LINGO2: variants seen among roughly 807,000 people sequenced by gnomAD.
LINGO2 encodes leucine rich repeat and Ig domain containing 2.
LINGO2 carries 14 observed loss-of-function variants against 30.6 expected under a neutral mutation model. The observed-to-expected ratio is 0.46, with a 90% CI of 0.30 to 0.72. LINGO2 has a LOEUF of 0.72. Among genes scored for constraint, LINGO2 ranks in the 30% least tolerant of loss-of-function variants. The pLI is 0.07. For missense variants in LINGO2, 729 were observed against 751.7 expected (o/e 0.97, Z 0.35); for synonymous variants, 317 against 288.5 (o/e 1.10, Z -1.00).
At chr9:28,486,874 T>C (rs1216490818) in intron 1 of LINGO2, among the ~76,000 whole-genome samples, 1 of 152,074 alleles carries the variant, frequency 6.6e-6, no homozygotes, top group East Asian at 1.9e-4. Flanking sequence ...CAGACTCTCT[T>C]TTGTAGGATG....
Position 28,481,110 on chromosome 9 carries a change from C to T in LINGO2, c.-364-5085G>A, listed in dbSNP as rs79582170. On this transcript the variant is annotated intron_variant, in intron 1 of 5. Coordinates refer to ENST00000379992, the Ensembl canonical transcript of LINGO2. Reference sequence around the variant, plus strand: ...GGGCATGGAGCCCCATTTCTAACTCCAAAGCCTGGGCTCAAAGTCTTCAAA... The same window carrying T: ...GGGCATGGAGCCCCATTTCTAACTCTAAAGCCTGGGCTCAAAGTCTTCAAA... 5.2e-3 allele frequency among the ~76,000 whole-genome samples: 793 copies of T among 152,150 alleles called. 39 individuals are homozygous for T. The East Asian group carries it at 0.095, about 18-fold the overall frequency.
At chr9:28,366,976 C>A (rs1293879374) in intron 3 of LINGO2, among the ~76,000 whole-genome samples, 1 of 151,560 alleles carries the variant, frequency 6.6e-6, no homozygotes, top group Admixed American at 6.6e-5. Context: ...ATTTTTTCTT[C>A]CTCCTCCTCC....
intron 2 of LINGO2, among the ~76,000 whole-genome samples, chr9:28,455,766 C>T (rs1824821561): frequency 6.6e-6 from 1 of 152,086 alleles, no homozygotes; most frequent in Admixed American, 6.6e-5. Flanking sequence ...CATTAGACAG[C>T]CTTCATCTAA....
the LINGO2 span, among the ~76,000 whole-genome samples, chr9:29,128,608 G>A: frequency 6.6e-6 from 1 of 152,028 alleles, no homozygotes; most frequent in African/African-American, 2.4e-5. Flanking sequence ...TGGCCTGAAT[G>A]TTCTTTGGAG....
At chr9:28,005,480 C>T (rs538841073) in intron 5 of LINGO2, among the ~76,000 whole-genome samples, 81 of 152,208 alleles carry the variant, frequency 5.3e-4, no homozygotes, top group African/African-American at 1.9e-3. Flanking sequence ...CTCTACTTTT[C>T]TTCCCCACAG....
At chr9:28,528,675 A>G (rs1031745736) in intron 1 of LINGO2, among the ~76,000 whole-genome samples, 1 of 152,128 alleles carries the variant, frequency 6.6e-6, no homozygotes. Flanking sequence ...ATAACTCTAC[A>G]AGAGATACTA....
chr9:28,081,383 A>G (rs890705075), intron 4 of LINGO2, among the ~76,000 whole-genome samples: 1 of 152,148 alleles, frequency 6.6e-6, no homozygotes, highest in Non-Finnish European at 1.5e-5. Flanking sequence ...ATGATGAACC[A>G]CTTAACAATC....
chr9:28,954,417 T>G, the LINGO2 span, among the ~76,000 whole-genome samples: 3 of 152,162 alleles, frequency 2.0e-5, no homozygotes, highest in African/African-American at 7.2e-5. Context: ...AAGAACAAGT[T>G]ATAAAAAATA....
At chr9:28,790,325 C>CTTTTTTTTTTTTTTTTTTTTTTTTT in the LINGO2 span, among the ~76,000 whole-genome samples, 32 of 106,272 alleles carry the variant, frequency 3.0e-4, no homozygotes, top group Non-Finnish European at 3.8e-4. Flanking sequence ...TCTTTTCTTT[C>CTTTTTTTTTTTTTTTTTTTTTTTTT]TTTTTTTTTT....
At chr9:28,557,370 T>C (rs538057709) in intron 1 of LINGO2, among the ~76,000 whole-genome samples, 169 of 152,194 alleles carry the variant, frequency 1.1e-3, no homozygotes, top group African/African-American at 3.2e-3. Flanking sequence ...AGAAGACATT[T>C]ATGCAGCCAA....
chr9:28,812,099 T>G, the LINGO2 span, among the ~76,000 whole-genome samples: 1 of 152,158 alleles, frequency 6.6e-6, no homozygotes, highest in Non-Finnish European at 1.5e-5. Context: ...ACTCTCACTC[T>G]TCCTACCATC....
At chr9:27,962,230 C>T (rs1440921201) in intron 5 of LINGO2, among the ~76,000 whole-genome samples, 7 of 151,182 alleles carry the variant, frequency 4.6e-5, no homozygotes, top group Non-Finnish European at 5.9e-5. Flanking sequence ...CTGGAGAGTA[C>T]TGTCTTATTT....
intron 5 of LINGO2, among the ~76,000 whole-genome samples, chr9:27,951,331 G>C (rs138629557): frequency 6.6e-6 from 1 of 152,154 alleles, no homozygotes. Context: ...ATTTATGAAG[G>C]GATTTTCTTA....
chr9:28,476,477 G>T (rs376986833), intron 1 of LINGO2, among the ~76,000 whole-genome samples: 2 of 151,942 alleles, frequency 1.3e-5, no homozygotes, highest in East Asian at 1.9e-4. Flanking sequence ...GGGTTTCACC[G>T]TGTTAGCCAG....
chr9:28,968,319 G>A, the LINGO2 span, among the ~76,000 whole-genome samples: 1 of 151,984 alleles, frequency 6.6e-6, no homozygotes, highest in Non-Finnish European at 1.5e-5. Flanking sequence ...CTTTTACTTT[G>A]TTACAAAGCC....
chr9:28,471,684 A>G (rs997924227), intron 2 of LINGO2, among the ~76,000 whole-genome samples: 1 of 152,240 alleles, frequency 6.6e-6, no homozygotes, highest in Admixed American at 6.5e-5. Context: ...TTATAAAGAT[A>G]TAGAGCTACT....
chr9:28,463,663 T>G (rs1264760065), intron 2 of LINGO2, among the ~76,000 whole-genome samples: 1 of 152,040 alleles, frequency 6.6e-6, no homozygotes, highest in African/African-American at 2.4e-5. Context: ...TTTGTGCTGT[T>G]GTATACAAAA....
At chr9:28,484,177 T>C (rs1335981412) in intron 1 of LINGO2, among the ~76,000 whole-genome samples, 1 of 152,036 alleles carries the variant, frequency 6.6e-6, no homozygotes, top group African/African-American at 2.4e-5. Context: ...ATGACTCACA[T>C]AATTACACAA....
intron 4 of LINGO2, among the ~76,000 whole-genome samples, chr9:28,100,803 T>A (rs1056983185): frequency 2.6e-5 from 4 of 152,192 alleles, no homozygotes; most frequent in Middle Eastern, 3.2e-3. Flanking sequence ...CTTCAATGTC[T>A]GACTTATTAG....
Sources: gnomAD v4.1 joint callset for allele counts (sites outside exome capture counted in the v4.1 genomes callset) on GRCh38, gnomAD v4.1.1 for gene constraint, MANE v1.5 for transcripts, NCBI Gene and HGNC (gene_info 2026-07-23, HGNC 2026-07-21) for gene names.